Variants in CLEC2A observed in about 807,000 individuals in gnomAD.
CLEC2A encodes keratinocyte-associated C-type lectin.
CLEC2A carries 19 observed loss-of-function variants against 18.6 expected under a neutral mutation model. That is an observed-to-expected ratio of 1.02 (90% CI 0.71 to 1.50). CLEC2A has a LOEUF of 1.50. Among genes scored for constraint, CLEC2A ranks in the 40% most tolerant of loss-of-function variants. The pLI is 0.00. For missense variants in CLEC2A, 190 were observed against 207.9 expected, an observed-to-expected ratio of 0.91 and a Z score of 0.53; for synonymous variants, 74 against 64.0, an observed-to-expected ratio of 1.16 and a Z score of -0.75.
At chr12:9,889,032 AT>A in the CLEC2A span, among the ~76,000 whole-genome samples, 5 of 152,286 alleles carry the variant, frequency 3.3e-5, no homozygotes, top group Admixed American at 2.6e-4. Context: ...ATGATAGTGG[AT>A]TTCCTGCCAT....
At chr12:9,901,799 A>G (rs1275423957) in intron 4 of CLEC2A, among the ~76,000 whole-genome samples, 1 of 152,266 alleles carries the variant, frequency 6.6e-6, no homozygotes, top group Non-Finnish European at 1.5e-5. Flanking sequence ...GAAATTTTAA[A>G]GAAGCAAAAA....
At chr12:9,879,268 A>G in the CLEC2A span, among the ~76,000 whole-genome samples, 4 of 152,196 alleles carry the variant, frequency 2.6e-5, no homozygotes, top group Non-Finnish European at 5.9e-5. Flanking sequence ...ATTTTCAGAG[A>G]GGAGATTCAT....
intron 4 of CLEC2A, among the ~76,000 whole-genome samples, chr12:9,902,644 GAAA>G (rs56875298): frequency 1.5e-5 from 2 of 135,850 alleles, no homozygotes; most frequent in African/African-American, 2.7e-5. Context: ...AATCTTGAAA[GAAA>G]AAAAAAAAAA....
chr12:9,926,028 T>A (rs1401189569), intron 2 of CLEC2A, among the ~76,000 whole-genome samples: 1 of 152,194 alleles, frequency 6.6e-6, no homozygotes, highest in Non-Finnish European at 1.5e-5. Context: ...TTATTTTTCT[T>A]AAGCATCAAG....
chr12:9,885,609 G>C, the CLEC2A span, among the ~76,000 whole-genome samples: 2 of 151,920 alleles, frequency 1.3e-5, no homozygotes, highest in Non-Finnish European at 2.9e-5. Flanking sequence ...CTGTAGCGTA[G>C]AAGATCCTTT....
chr12:9,904,396 GT>G (rs1487241563), intron 4 of CLEC2A, among the ~76,000 whole-genome samples: 1 of 152,162 alleles, frequency 6.6e-6, no homozygotes, highest in African/African-American at 2.4e-5. Flanking sequence ...TGTAACAATC[GT>G]TTTTGTTTAG....
chr12:9,885,273 A>G, the CLEC2A span, among the ~76,000 whole-genome samples: 3 of 151,700 alleles, frequency 2.0e-5, no homozygotes, highest in Admixed American at 1.3e-4. Flanking sequence ...TAAAAAAGTA[A>G]TGTATCTTTA....
the CLEC2A span, chr12:9,893,367 T>C: frequency 9.1e-6 from 8 of 879,950 alleles, no homozygotes; most frequent in Admixed American, 1.9e-4. Context: ...AGACTTACAC[T>C]ATAGAAGGCA....
At chr12:9,882,780 A>G in the CLEC2A span, among the ~76,000 whole-genome samples, 3 of 97,244 alleles carry the variant, frequency 3.1e-5, no homozygotes, top group South Asian at 4.0e-4. Flanking sequence ...GACTCCATAT[A>G]TAAAAAAACA....
At chr12:9,880,958 C>G in the CLEC2A span, among the ~76,000 whole-genome samples, 2 of 152,070 alleles carry the variant, frequency 1.3e-5, no homozygotes, top group African/African-American at 4.8e-5. Flanking sequence ...AACTGCCACA[C>G]CTACTGAAGG....
chr12:9,893,402 T>C, the CLEC2A span: 1 of 1,091,136 alleles, frequency 9.2e-7, no homozygotes. Context: ...AACAAATGAA[T>C]GAATAAATGC....
chr12:9,890,508 C>T, the CLEC2A span, among the ~76,000 whole-genome samples: 3 of 152,296 alleles, frequency 2.0e-5, no homozygotes, highest in South Asian at 4.1e-4. Flanking sequence ...CTCTAAGCTT[C>T]GGGAGGCCTC....
rs139858231 is a variant in CLEC2A at position 9,926,479 on chromosome 12, A to G, written c.56-136T>C. 1,850 of 623,562 alleles carry G rather than the reference A, an allele frequency of 3.0e-3. 6 individuals carry two copies. Among genetic ancestry groups the G allele is most frequent in the Non-Finnish European group, 4.0e-3 (1,407 of 353,362 alleles). 38.6% of individuals were successfully genotyped at this position (623,562 alleles called of 1,614,324 possible). A position where few individuals can be genotyped will look rare whatever the true frequency, so the allele number is the denominator to read the frequency against. The stretch of plus-strand genomic sequence containing the variant: ...TACATACATCTCAAAATAACAAAGG[A>G]TAGCAAACCATCAAAAAGTGCAAGG... On this transcript the variant is annotated intron_variant, in intron 1 of 4. Coordinates refer to ENST00000455827, the MANE Select transcript of CLEC2A (RefSeq NM_001130711.2).
At chr12:9,912,406 C>T (rs1261798582), downstream of CLEC2A, among the ~76,000 whole-genome samples, 2 of 152,252 alleles carry the variant, frequency 1.3e-5, no homozygotes, top group South Asian at 4.1e-4. Context: ...TTTCCCCTGA[C>T]CCTTAGAGTG....
downstream of CLEC2A, among the ~76,000 whole-genome samples, chr12:9,898,245 T>C (rs180823421): frequency 6.6e-6 from 1 of 152,336 alleles, no homozygotes; most frequent in Non-Finnish European, 1.5e-5. Flanking sequence ...TGAATAAACA[T>C]AGAAATTGAC....
At chr12:9,898,949 G>T in exon 5 of CLEC2A, 1 of 716,178 alleles carries the variant, frequency 1.4e-6, no homozygotes. Context: ...GGAGGCTCCA[G>T]TTGCAAGACC....
the CLEC2A span, among the ~76,000 whole-genome samples, chr12:9,884,639 C>T: frequency 6.7e-6 from 1 of 148,380 alleles, no homozygotes; most frequent in Admixed American, 6.8e-5. Flanking sequence ...ATATTTATAT[C>T]ATATATAATA....
chr12:9,880,337 G>A, the CLEC2A span, among the ~76,000 whole-genome samples: 15 of 152,306 alleles, frequency 9.8e-5, no homozygotes, highest in Admixed American at 5.2e-4. Flanking sequence ...TGGACGCGGC[G>A]TGTGTAAATA....
intron 1 of CLEC2A, among the ~76,000 whole-genome samples, chr12:9,929,121 AC>A (rs976616853): frequency 6.6e-6 from 1 of 152,042 alleles, no homozygotes; most frequent in Non-Finnish European, 1.5e-5. Flanking sequence ...CTTTTAAGTA[AC>A]CCTCTTGAAC....
Sources: gnomAD v4.1 joint callset for allele counts (sites outside exome capture counted in the v4.1 genomes callset) on GRCh38, gnomAD v4.1.1 for gene constraint, MANE v1.5 for transcripts, NCBI Gene and HGNC (gene_info 2026-07-23, HGNC 2026-07-21) for gene names.